Variants in ARHGAP32 observed in about 807,000 individuals in gnomAD.
ARHGAP32 encodes the protein rho GTPase-activating protein 32.
In ARHGAP32, 51 loss-of-function variants were observed where a neutral mutation model predicts 186.5. The observed-to-expected ratio is 0.27, with a 90% CI of 0.22 to 0.35. ARHGAP32 has a LOEUF of 0.35. Among genes scored for constraint, ARHGAP32 ranks in the 10% least tolerant of loss-of-function variants. The pLI, the probability that ARHGAP32 is intolerant of heterozygous loss-of-function variation, is 1.00. For missense variants in ARHGAP32, 2,186 were observed against 2,623.5 expected, an observed-to-expected ratio of 0.83 and a Z score of 3.64; for synonymous variants, 950 against 964.3, an observed-to-expected ratio of 0.99 and a Z score of 0.27.
intron 1 of ARHGAP32, among the ~76,000 whole-genome samples, chr11:129,268,846 T>C (rs1179314725): frequency 6.6e-6 from 1 of 152,094 alleles, no homozygotes; most frequent in Non-Finnish European, 1.5e-5. Context: ...AAAACCCTGC[T>C]CCATTTCTAA....
intron 1 of ARHGAP32, among the ~76,000 whole-genome samples, chr11:129,244,952 G>C (rs957570902): frequency 2.6e-5 from 4 of 151,556 alleles, no homozygotes; most frequent in Non-Finnish European, 4.4e-5. Flanking sequence ...GGAAACAACA[G>C]GTGCTGGAGA....
chr11:129,161,364 C>T (rs954812106), intron 2 of ARHGAP32, among the ~76,000 whole-genome samples: 2 of 151,954 alleles, frequency 1.3e-5, no homozygotes, highest in African/African-American at 4.8e-5. Context: ...TCAGAGTGAA[C>T]AGGCAACCTA....
chr11:129,215,826 A>G (rs935058368), intron 1 of ARHGAP32, among the ~76,000 whole-genome samples: 5 of 152,182 alleles, frequency 3.3e-5, no homozygotes, highest in Admixed American at 1.3e-4. Context: ...CCATGTCCTA[A>G]TCCCTATAAG....
At chr11:129,177,071 T>A (rs1943932546) in intron 1 of ARHGAP32, among the ~76,000 whole-genome samples, 2 of 148,812 alleles carry the variant, frequency 1.3e-5, no homozygotes, top group African/African-American at 2.5e-5. Flanking sequence ...GAGAGAAGAA[T>A]CAAATAGACG....
At chr11:128,988,582 A>G (rs1945947061) in intron 12 of ARHGAP32, among the ~76,000 whole-genome samples, 1 of 152,230 alleles carries the variant, frequency 6.6e-6, no homozygotes, top group Non-Finnish European at 1.5e-5. Flanking sequence ...TAAGTGCTAC[A>G]AAGTTTTGCT....
At chr11:129,125,894 A>G (rs1262064364) in intron 2 of ARHGAP32, 3 of 446,432 alleles carry the variant, frequency 6.7e-6, no homozygotes, top group African/African-American at 4.0e-5. Flanking sequence ...GAGGTCTCCC[A>G]AAGAAAACAG....
At chr11:129,277,645 T>C (rs912685054) in intron 1 of ARHGAP32, among the ~76,000 whole-genome samples, 2 of 152,200 alleles carry the variant, frequency 1.3e-5, no homozygotes, top group African/African-American at 4.8e-5. Context: ...GGTACGAAGA[T>C]AACTGGCTTA....
intron 6 of ARHGAP32, among the ~76,000 whole-genome samples, chr11:129,067,434 G>C (rs1328602748): frequency 6.6e-6 from 1 of 151,958 alleles, no homozygotes; most frequent in Non-Finnish European, 1.5e-5. Context: ...CACTCATAAA[G>C]GATATTTATT....
chr11:129,218,909 G>T (rs763229901), intron 1 of ARHGAP32, among the ~76,000 whole-genome samples: 2 of 152,196 alleles, frequency 1.3e-5, no homozygotes, highest in African/African-American at 2.4e-5. Context: ...AACATCTGTT[G>T]TAAGGAGGAG....
At position 129,169,500 on chromosome 11, in the gene ARHGAP32, G is replaced by A. The variant is rs191772224; in HGVS notation, c.117-5073C>T. Among the ~76,000 whole-genome samples, 762 of 151,822 alleles carry A rather than the reference G, an allele frequency of 5.0e-3. 7 individuals carry two copies. The highest frequency in any genetic ancestry group is 0.018 in the African/African-American group (730 of 41,408). On this transcript the variant is annotated intron_variant, in intron 1 of 22. Transcript: ENST00000682385. ...CAAAAAATTAGCTGGGCGTGGTGGC[G>A]GGCGCCTATAGTCCCAGCTACTCAG...
intron 11 of ARHGAP32, among the ~76,000 whole-genome samples, chr11:129,018,873 T>C (rs1400150876): frequency 6.6e-6 from 1 of 152,184 alleles, no homozygotes; most frequent in Non-Finnish European, 1.5e-5. Flanking sequence ...TAGAAAAATA[T>C]ACCCTTTTGA....
chr11:129,186,019 T>C (rs188333638), intron 1 of ARHGAP32, among the ~76,000 whole-genome samples: 13 of 152,214 alleles, frequency 8.5e-5, no homozygotes, highest in Non-Finnish European at 1.5e-4. Flanking sequence ...TCACTTGACA[T>C]ATTTAATTTA....
intron 15 of ARHGAP32, 54 bp downstream of exon 15, chr11:128,985,949 T>C: frequency 7.4e-7 from 1 of 1,358,798 alleles, no homozygotes; most frequent in Non-Finnish European, 9.9e-7. Context: ...AAAAAAAACG[T>C]TTACAGGTCA....
chr11:128,976,892 G>A (rs1392297655), intron 19 of ARHGAP32, among the ~76,000 whole-genome samples: 3 of 152,188 alleles, frequency 2.0e-5, no homozygotes, highest in Non-Finnish European at 2.9e-5. Context: ...TTATGAATTT[G>A]AGCAGAGAGA....
rs1195025750 is a variant in ARHGAP32 at position 128,980,623 on chromosome 11, T to C, written c.1906A>G (p.Ile636Val). 3 of 1,613,896 alleles carry C rather than the reference T, an allele frequency of 1.9e-6. No homozygotes were observed. The highest frequency in any genetic ancestry group is 2.5e-6 in the Non-Finnish European group (3 of 1,179,928). ...NSPIVTENKY[I>V]EVGEGPAALQ... is the part of the protein sequence containing the mutation. ...GCAGCAGGTCCTTCTCCTACTTCGATATATTTATTTTCCGTCACAATTGGA... is the reference window on the plus strand; with the variant it reads ...GCAGCAGGTCCTTCTCCTACTTCGACATATTTATTTTCCGTCACAATTGGA... The change falls in exon 18 of 23, where the codon ATC becomes GTC. Residue 636 changes from isoleucine to valine, a missense_variant. Physicochemically the swap from Ile to Val is conservative, Grantham distance 29. Around this residue, in one of 5 missense-constraint regions of ARHGAP32, gnomAD observed 263 missense variants for 323.5 expected, o/e 0.81. Coordinates refer to ENST00000682385, the MANE Select transcript of ARHGAP32 (RefSeq NM_001378024.1).
chr11:129,168,501 T>A (rs541316917), intron 1 of ARHGAP32, among the ~76,000 whole-genome samples: 1 of 152,166 alleles, frequency 6.6e-6, no homozygotes, highest in South Asian at 2.1e-4. Flanking sequence ...AAAATTTGTA[T>A]GCAAAAAATA....
chr11:129,112,462 TG>T (rs1321593734), intron 5 of ARHGAP32, among the ~76,000 whole-genome samples: 6 of 152,160 alleles, frequency 3.9e-5, no homozygotes, highest in Non-Finnish European at 8.8e-5. Context: ...TTAGTTAGTT[TG>T]TTTTTTTTTT....
At chr11:129,018,882 G>T (rs1938477376) in intron 11 of ARHGAP32, among the ~76,000 whole-genome samples, 1 of 152,006 alleles carries the variant, frequency 6.6e-6, no homozygotes, top group African/African-American at 2.4e-5. Context: ...ATACCCTTTT[G>T]AAACTTTTCC....
At chr11:129,183,762 TAAGACCCACC>T (rs1210276162) in intron 1 of ARHGAP32, among the ~76,000 whole-genome samples, 1 of 151,384 alleles carries the variant, frequency 6.6e-6, no homozygotes, top group Non-Finnish European at 1.5e-5. Flanking sequence ...TTCACACTCC[TAAGACCCACC>T]AAATTGCATG....
Sources: allele counts gnomAD v4.1 joint callset (sites outside exome capture counted in the v4.1 genomes callset), GRCh38; gene constraint gnomAD v4.1.1; regional missense constraint gnomAD v4.1.1; transcripts MANE v1.5; gene names NCBI Gene and HGNC (gene_info 2026-07-23, HGNC 2026-07-21).